EPHA5: variants seen among roughly 807,000 people sequenced by gnomAD.
The protein encoded by EPHA5 is EPH receptor A5, also known as ephrin type-A receptor 5.
EPHA5 carries 60 observed loss-of-function variants against 105.0 expected under a neutral mutation model. The ratio of observed to expected loss-of-function variants is 0.57; its 90% CI spans 0.46 to 0.71. The LOEUF is 0.71. Among genes scored for constraint, EPHA5 ranks in the 30% least tolerant of loss-of-function variants. The pLI is 0.00. For synonymous variants in EPHA5, 513 were observed against 449.1 expected (o/e 1.14, Z -1.80); for missense variants, 1,218 against 1,274.7 (o/e 0.96, Z 0.68).
intron 2 of EPHA5, among the ~76,000 whole-genome samples, chr4:65,639,044 C>T (rs1747408505): frequency 6.6e-6 from 1 of 152,170 alleles, no homozygotes; most frequent in African/African-American, 2.4e-5. Context: ...TAAAACATGA[C>T]ATCAAATCAT....
chr4:65,449,394 T>C (rs1726865274), intron 5 of EPHA5, among the ~76,000 whole-genome samples: 1 of 152,196 alleles, frequency 6.6e-6, no homozygotes. Flanking sequence ...TTGTACACTT[T>C]GGTGGGAAAC....
intron 3 of EPHA5, among the ~76,000 whole-genome samples, chr4:65,581,860 A>G (rs1578488566): frequency 1.3e-5 from 2 of 151,910 alleles, no homozygotes; most frequent in East Asian, 1.9e-4. Context: ...ACCATGTTTT[A>G]TTTGTAATTC....
At chr4:65,327,869 A>G (rs1372840730) in intron 16 of EPHA5, among the ~76,000 whole-genome samples, 2 of 151,198 alleles carry the variant, frequency 1.3e-5, no homozygotes, top group Non-Finnish European at 3.0e-5. Flanking sequence ...CTTATTTCCA[A>G]TAATTCCCAT....
At chr4:65,566,192 G>A (rs898086059) in intron 3 of EPHA5, among the ~76,000 whole-genome samples, 3 of 151,720 alleles carry the variant, frequency 2.0e-5, no homozygotes, top group South Asian at 4.1e-4. Flanking sequence ...TCCTCTTTCT[G>A]TTTAGCAATT....
At chr4:65,543,007 G>T (rs1736997761) in intron 3 of EPHA5, among the ~76,000 whole-genome samples, 1 of 151,918 alleles carries the variant, frequency 6.6e-6, no homozygotes, top group Non-Finnish European at 1.5e-5. Flanking sequence ...AAAAGCCTTT[G>T]ATAAAATTTA....
chr4:65,452,096 G>T lies in EPHA5; in HGVS notation c.1403-31531C>A, dbSNP rs545732701. On this transcript the variant is annotated intron_variant, in intron 5 of 16. Coordinates refer to ENST00000613740, the MANE Select transcript of EPHA5 (RefSeq NM_001281766.3). Reference sequence around the variant, plus strand: ...AAATCATCAGAAGATCAGCAATAGAGAATAAATCAACAATAATGAATAAAA... The same window carrying T: ...AAATCATCAGAAGATCAGCAATAGATAATAAATCAACAATAATGAATAAAA... Among the ~76,000 whole-genome samples, 3 of 152,228 alleles carry T rather than the reference G, an allele frequency of 2.0e-5. No individual in the cohort carries two copies. In the East Asian group the frequency reaches 5.8e-4, roughly 29 times the overall value.
At chr4:65,550,193 GAAAC>G (rs1311837320) in intron 3 of EPHA5, among the ~76,000 whole-genome samples, 2 of 151,544 alleles carry the variant, frequency 1.3e-5, no homozygotes, top group African/African-American at 4.8e-5. Context: ...TAAGGAAAAA[GAAAC>G]AATAAAATTA....
At chr4:65,419,825 T>C (rs1406303905) in intron 6 of EPHA5, among the ~76,000 whole-genome samples, 2 of 152,152 alleles carry the variant, frequency 1.3e-5, no homozygotes, top group Non-Finnish European at 2.9e-5. Flanking sequence ...AGGAAAAGAG[T>C]TTATTACAAC....
At chr4:65,513,382 G>A (rs1560629576) in intron 3 of EPHA5, among the ~76,000 whole-genome samples, 2 of 151,740 alleles carry the variant, frequency 1.3e-5, no homozygotes, top group African/African-American at 2.4e-5. Flanking sequence ...GGGTTTTTTT[G>A]TTTGTTTTGT....
At chr4:65,617,728 T>G (rs934372647) in intron 2 of EPHA5, among the ~76,000 whole-genome samples, 1 of 152,132 alleles carries the variant, frequency 6.6e-6, no homozygotes, top group Admixed American at 6.5e-5. Flanking sequence ...CACATGTTTT[T>G]AAGAGTTGAT....
At chr4:65,330,737 C>T in intron 16 of EPHA5, 1 of 998,466 alleles carries the variant, frequency 1.0e-6, no homozygotes. Context: ...GTAAATTTTT[C>T]AGTATACCAG....
intron 3 of EPHA5, among the ~76,000 whole-genome samples, chr4:65,513,704 C>A (rs1464088680): frequency 6.6e-6 from 1 of 152,098 alleles, no homozygotes; most frequent in African/African-American, 2.4e-5. Context: ...TTTCTAAGTA[C>A]TTCTAAATCT....
chr4:65,538,146 C>T (rs965839641), intron 3 of EPHA5, among the ~76,000 whole-genome samples: 2 of 151,690 alleles, frequency 1.3e-5, no homozygotes, highest in East Asian at 3.9e-4. Context: ...CTGCAGTGCA[C>T]TATGTGAAAC....
Position 65,414,369 on chromosome 4 carries a change from T to C in EPHA5, c.1602A>G (p.Ser534=), listed in dbSNP as rs371309035. ...GTGCTCGAATTTGGAAGACATAAAC[T>C]GAAGCTGGTTTCAAGCCCTCTGCAG... is the stretch of plus-strand genomic sequence containing the variant. ...TITAEGLKPA[S]VYVFQIRART... The change falls in exon 7 of 17, where the codon TCA becomes TCG. Residue 534 remains serine, a synonymous_variant. Coordinates refer to ENST00000613740, the MANE Select transcript of EPHA5 (RefSeq NM_001281766.3). 6.2e-7 allele frequency: 1 copy of C among 1,614,000 alleles called. No individual in the cohort carries two copies. The highest frequency in any genetic ancestry group is 1.3e-5 in the African/African-American group (1 of 75,046).
At chr4:65,345,225 C>G (rs1000120135) in intron 14 of EPHA5, among the ~76,000 whole-genome samples, 12 of 152,106 alleles carry the variant, frequency 7.9e-5, no homozygotes, top group African/African-American at 2.9e-4. Context: ...GTCAGTGCTC[C>G]CCTCCCCAAG....
At chr4:65,539,923 G>T (rs1215400078) in intron 3 of EPHA5, among the ~76,000 whole-genome samples, 1 of 151,352 alleles carries the variant, frequency 6.6e-6, no homozygotes, top group African/African-American at 2.4e-5. Context: ...ATGCACATAT[G>T]TTATCACTAT....
chr4:65,578,840 C>G (rs1741325139), intron 3 of EPHA5, among the ~76,000 whole-genome samples: 1 of 151,966 alleles, frequency 6.6e-6, no homozygotes, highest in South Asian at 2.1e-4. Flanking sequence ...ATAACTCAAT[C>G]TAGCATGCTT....
intron 3 of EPHA5, among the ~76,000 whole-genome samples, chr4:65,541,690 A>C (rs1700312299): frequency 6.6e-6 from 1 of 151,956 alleles, no homozygotes; most frequent in Non-Finnish European, 1.5e-5. Context: ...TGGACAGATA[A>C]ATCAGACAGA....
intron 11 of EPHA5, 122 bp downstream of exon 11, chr4:65,364,894 TA>T: frequency 1.4e-6 from 1 of 703,720 alleles, no homozygotes. Flanking sequence ...AAATACAGGA[TA>T]AACATTAATA....
Sources: gnomAD v4.1 joint callset for allele counts (sites outside exome capture counted in the v4.1 genomes callset) on GRCh38, gnomAD v4.1.1 for gene constraint, MANE v1.5 for transcripts, NCBI Gene and HGNC (gene_info 2026-07-23, HGNC 2026-07-21) for gene names.